Variants in DCDC2C observed in about 807,000 individuals in gnomAD.
DCDC2C encodes doublecortin domain containing 2C.
A neutral mutation model predicts 45.0 loss-of-function variants in DCDC2C; 44 were observed. The ratio of observed to expected loss-of-function variants is 0.98; its 90% CI spans 0.77 to 1.26. The LOEUF (loss-of-function observed/expected upper bound fraction) is 1.26. Among genes scored for constraint, DCDC2C ranks in the 50% most tolerant of loss-of-function variants. DCDC2C has a pLI of 0.00. For synonymous variants in DCDC2C, 187 were observed against 178.8 expected, an observed-to-expected ratio of 1.05 and a Z score of -0.37; for missense variants, 447 against 468.9, an observed-to-expected ratio of 0.95 and a Z score of 0.43.
intron 10 of DCDC2C, among the ~76,000 whole-genome samples, chr2:3,819,289 A>G (rs1671631600): frequency 6.6e-6 from 1 of 152,204 alleles, no homozygotes; most frequent in Non-Finnish European, 1.5e-5. Flanking sequence ...TCCTGCACAG[A>G]TGGGACGTGG....
At position 3,761,356 on chromosome 2, in the gene DCDC2C, G is replaced by T. The variant is rs1669876787; in HGVS notation, c.727-6398G>T. Among the ~76,000 whole-genome samples the T allele has an allele frequency of 6.6e-6, 1 of 152,184 alleles. No individual in the cohort carries two copies. Among genetic ancestry groups the T allele is most frequent in the African/African-American group, 2.4e-5 (1 of 41,444 alleles). The stretch of plus-strand genomic sequence containing the variant: ...TGAACGGTAATGAAAAGGAGATAAA[G>T]CATATAAATTAAGGAGGTGCGTGTG... On this transcript the variant is annotated intron_variant, in intron 6 of 10. Coordinates refer to ENST00000399143, the MANE Select transcript of DCDC2C (RefSeq NM_001287444.2). This position sits in a 1 kb window ranked among gnomAD's most constrained non-coding sequence, Gnocchi z 4.3.
At chr2:3,747,458 G>A (rs184643526) in intron 4 of DCDC2C, among the ~76,000 whole-genome samples, 2 of 152,344 alleles carry the variant, frequency 1.3e-5, no homozygotes, top group Non-Finnish European at 2.9e-5. Flanking sequence ...TGAGGGAGGC[G>A]AAGTGGGCCA....
intron 2 of DCDC2C, among the ~76,000 whole-genome samples, chr2:3,711,719 T>G (rs1459519642): frequency 7.3e-6 from 1 of 136,862 alleles, no homozygotes; most frequent in East Asian, 1.9e-4. Flanking sequence ...TAAACAGTGA[T>G]GTAATGTAAT....
chr2:3,703,746 G>T lies in DCDC2C; in HGVS notation c.-6G>T, dbSNP rs1667938198. 2 of 1,230,500 alleles carry T rather than the reference G, an allele frequency of 1.6e-6. No individual in the cohort carries two copies. The highest frequency in any genetic ancestry group is 2.0e-6 in the Non-Finnish European group (2 of 986,580). The allele number at this position is 1,230,500 out of a possible 1,614,324, so 76.2% of individuals were successfully genotyped here. A position where few individuals can be genotyped will look rare whatever the true frequency, so the allele number is the denominator to read the frequency against. On this transcript the variant is annotated 5_prime_UTR_variant, in exon 1 of 11. Coordinates refer to ENST00000399143, the MANE Select transcript of DCDC2C (RefSeq NM_001287444.2). This position sits in a 1 kb window ranked among gnomAD's most constrained non-coding sequence, Gnocchi z 4.4. ...GGCCCCGGCGAGCGAGGAGCGGGGC[G>T]CGGCTATGGGAACCCGCGGGCCCTC...
At chr2:3,704,884 G>A (rs560608936) in intron 1 of DCDC2C, among the ~76,000 whole-genome samples, 1 of 152,232 alleles carries the variant, frequency 6.6e-6, no homozygotes, top group South Asian at 2.1e-4. Context: ...CCCACGGTTT[G>A]TGTCTGTAAT....
chr2:3,839,003 ATTATTT>A (rs1672147523), intron 10 of DCDC2C, among the ~76,000 whole-genome samples: 1 of 152,178 alleles, frequency 6.6e-6, no homozygotes, highest in Admixed American at 6.5e-5. Context: ...AGAAAATAAA[ATTATTT>A]TTATATTTTA....
Position 3,831,969 on chromosome 2 carries a change from C to T in DCDC2C, c.1066-15185C>T, listed in dbSNP as rs370897870. Among the ~76,000 whole-genome samples, 127 of 152,298 alleles carry T rather than the reference C, an allele frequency of 8.3e-4. 1 individual carries two copies. The South Asian group carries it at 0.017, about 20-fold the overall frequency. ...TGGACTTTCCTTGAGTTCCCTATGT[C>T]GGTTCTGTTGCGTCATGTGCAGGAA... On this transcript the variant is annotated intron_variant, in intron 10 of 10. Transcript: ENST00000399143.
intron 4 of DCDC2C, among the ~76,000 whole-genome samples, chr2:3,745,295 A>G (rs1267088410): frequency 6.6e-6 from 1 of 152,234 alleles, no homozygotes; most frequent in African/African-American, 2.4e-5. Context: ...CTTGGAATAA[A>G]TCTTAAGTAT....
intron 4 of DCDC2C, among the ~76,000 whole-genome samples, chr2:3,751,764 T>C (rs1023832528): frequency 2.6e-4 from 39 of 152,242 alleles, no homozygotes; most frequent in African/African-American, 9.2e-4. Flanking sequence ...GCAGAAGCTC[T>C]GAGCCTCCTC....
At chr2:3,715,896 T>C (rs1558560148) in intron 2 of DCDC2C, among the ~76,000 whole-genome samples, 1 of 152,138 alleles carries the variant, frequency 6.6e-6, no homozygotes, top group Admixed American at 6.5e-5. Flanking sequence ...AATGTCATGC[T>C]GGGGGCTGTT....
chr2:3,711,303 G>A (rs888813071), intron 2 of DCDC2C, among the ~76,000 whole-genome samples: 64 of 152,234 alleles, frequency 4.2e-4, no homozygotes, highest in African/African-American at 1.5e-3. Flanking sequence ...ATATACCCAA[G>A]GGAATATAAA....
intron 10 of DCDC2C, among the ~76,000 whole-genome samples, chr2:3,820,043 G>A (rs946431141): frequency 1.3e-5 from 2 of 152,186 alleles, no homozygotes; most frequent in South Asian, 2.1e-4. Context: ...GGTGGAGACC[G>A]AAGGAACAGA....
intron 10 of DCDC2C, among the ~76,000 whole-genome samples, chr2:3,785,652 G>C (rs552896440): frequency 6.6e-6 from 1 of 152,176 alleles, no homozygotes; most frequent in African/African-American, 2.4e-5. Context: ...TCTCCCTGCC[G>C]TCAGCAATAG....
intron 7 of DCDC2C, 88 bp from the exon 8 acceptor site, chr2:3,769,223 T>C: frequency 3.0e-6 from 4 of 1,324,548 alleles, no homozygotes; most frequent in South Asian, 1.3e-5. Flanking sequence ...ATGCCCGGCT[T>C]CGTAACTTGG....
Position 3,734,931 on chromosome 2 carries a change from T to C in DCDC2C, c.417-6989T>C, listed in dbSNP as rs1668978336. ...ACTCCCGGGTCCAGGGATGACTCCC[T>C]TATCGTGGCCTAAAGAGAGGAGGCA... On this transcript the variant is annotated intron_variant, in intron 3 of 10. Transcript: ENST00000399143. The surrounding 1 kb of genome is among the most constrained non-coding windows in gnomAD (Gnocchi z 4.2). Among the ~76,000 whole-genome samples, 1 of 152,136 alleles carries C rather than the reference T, an allele frequency of 6.6e-6. No individual in the cohort carries two copies. The highest frequency in any genetic ancestry group is 2.4e-5 in the African/African-American group (1 of 41,420).
rs1326017812 is a variant in DCDC2C at position 3,725,558 on chromosome 2, T to G, written c.340-1445T>G. Among the ~76,000 whole-genome samples the G allele has an allele frequency of 1.0e-4, 14 of 137,480 alleles. 1 individual carries two copies. The highest frequency in any genetic ancestry group is 4.2e-4 in the African/African-American group (14 of 33,626). 90.2% of individuals were successfully genotyped at this position (137,480 alleles called of 152,430 possible). On this transcript the variant is annotated intron_variant, in intron 2 of 10. Transcript: ENST00000399143. Reference sequence around the variant, plus strand: ...AGCAGAGAGGGAGGAGGCTGCCCGGTGGATCCCAGAGGAAGACGAGCAGAG... The same window carrying G: ...AGCAGAGAGGGAGGAGGCTGCCCGGGGGATCCCAGAGGAAGACGAGCAGAG...
At chr2:3,810,605 T>C (rs1671370521) in intron 10 of DCDC2C, among the ~76,000 whole-genome samples, 1 of 152,238 alleles carries the variant, frequency 6.6e-6, no homozygotes, top group Non-Finnish European at 1.5e-5. Context: ...TTTGTCAATT[T>C]TGGCTTTTGT....
intron 6 of DCDC2C, 110 bp from the exon 7 acceptor site, chr2:3,767,644 A>T: frequency 1.6e-6 from 2 of 1,281,788 alleles, no homozygotes; most frequent in Non-Finnish European, 2.1e-6. Flanking sequence ...GTTTCCTCCT[A>T]CTGTTTCTCT....
chr2:3,755,416 CAT>C (rs1393050101), intron 6 of DCDC2C, among the ~76,000 whole-genome samples: 2 of 149,818 alleles, frequency 1.3e-5, no homozygotes, highest in Non-Finnish European at 3.0e-5. Context: ...TATTTAAATA[CAT>C]GTGTGTATGG....
Sources: allele counts gnomAD v4.1 joint callset (sites outside exome capture counted in the v4.1 genomes callset), GRCh38; gene constraint gnomAD v4.1.1; non-coding constraint Gnocchi (gnomAD v3.1); transcripts MANE v1.5; gene names NCBI Gene and HGNC (gene_info 2026-07-23, HGNC 2026-07-21).